Variants in LRRC34 observed in about 807,000 individuals in gnomAD.
The protein encoded by LRRC34 is leucine rich repeat containing 34, also known as leucine-rich repeat-containing protein 34.
In LRRC34, 44 loss-of-function variants were observed where a neutral mutation model predicts 48.5. The observed-to-expected ratio is 0.91, with a 90% CI of 0.71 to 1.17. The LOEUF is 1.17. Among genes scored for constraint, LRRC34 ranks in the 50% most tolerant of loss-of-function variants. LRRC34 has a pLI of 0.00. For missense variants in LRRC34, 502 were observed against 563.0 expected (o/e 0.89, Z 1.10); for synonymous variants, 192 against 197.6 (o/e 0.97, Z 0.24).
At chr3:169,797,301 G>C (rs1399893033) in intron 7 of LRRC34, among the ~76,000 whole-genome samples, 1 of 151,980 alleles carries the variant, frequency 6.6e-6, no homozygotes, top group Non-Finnish European at 1.5e-5. Context: ...CTTTGCTCTT[G>C]ATCTCTACTC....
In LRRC34 at chr3:169,812,496, C is replaced by T. The variant is rs1309233512; in HGVS notation, c.53G>A (p.Arg18Gln). ...PVGERSMGSS[R>Q]EAARAPARSP... ...CCTGGCCGGCGCACGGGCGGCCTCC[C>T]GGGAGCTCCCCATGCTCCTCTCACC... The change falls in exon 1 of 11, where the codon CGG (arginine) becomes CAG (glutamine). Residue 18 changes from arginine (R) to glutamine (Q), a missense_variant. By Grantham distance (43) the Arg-to-Gln change is conservative (BLOSUM62 1). Coordinates refer to ENST00000446859, the MANE Select transcript of LRRC34 (RefSeq NM_001172779.2). The surrounding 1 kb of genome is among the most constrained non-coding windows in gnomAD (Gnocchi z 4.3). The T allele has an allele frequency of 2.6e-6, 4 of 1,527,716 alleles. No individual in the cohort carries two copies. The highest frequency in any genetic ancestry group is 2.5e-5 in the East Asian group (1 of 39,710). The allele number at this position is 1,527,716 out of a possible 1,614,324, so 94.6% of individuals were successfully genotyped here.
In LRRC34 at chr3:169,812,812, A is replaced by C. The variant is rs1779651639; in HGVS notation, c.-264T>G. 2.1e-6 allele frequency: 1 copy of C among 471,494 alleles called. No homozygotes were observed. Among genetic ancestry groups the C allele is most frequent in the East Asian group, 3.8e-5 (1 of 26,436 alleles). The allele number at this position is 471,494 out of a possible 1,614,324, so 29.2% of individuals were successfully genotyped here. A position where few individuals can be genotyped will look rare whatever the true frequency, so the allele number is the denominator to read the frequency against. On this transcript the variant is annotated 5_prime_UTR_variant, in exon 1 of 11. Coordinates refer to ENST00000446859, the MANE Select transcript of LRRC34 (RefSeq NM_001172779.2). The surrounding 1 kb of genome is among the most constrained non-coding windows in gnomAD (Gnocchi z 4.3). The stretch of plus-strand genomic sequence containing the variant: ...GCTGCTGAGCTAGGGCTGGGGCTAC[A>C]AAGAAGATTATGACAAAGCCCGCTC...
At chr3:169,799,168 A>G (rs1453327447) in intron 7 of LRRC34, among the ~76,000 whole-genome samples, 1 of 152,232 alleles carries the variant, frequency 6.6e-6, no homozygotes, top group African/African-American at 2.4e-5. Context: ...ATGTAAAACC[A>G]CAAAAATTCT....
At chr3:169,808,593 C>A in intron 2 of LRRC34, 35 bp downstream of exon 2, 3 of 1,082,258 alleles carry the variant, frequency 2.8e-6, no homozygotes, top group Non-Finnish European at 4.1e-6. Context: ...TATAAGCAAA[C>A]ACTATTAATG....
intron 4 of LRRC34, 83 bp downstream of exon 4, chr3:169,807,343 A>T: frequency 7.7e-7 from 1 of 1,290,410 alleles, no homozygotes; most frequent in Non-Finnish European, 1.1e-6. Context: ...ACATCAGGTA[A>T]AACTAGTGTT....
intron 10 of LRRC34, chr3:169,794,416 CT>C (rs139338412): frequency 2.2e-3 from 321 of 143,030 alleles, no homozygotes; most frequent in Middle Eastern, 3.6e-3. Flanking sequence ...AATTTTTATA[CT>C]TTTTTTTTTT....
chr3:169,800,776 A>G (rs1576738290), intron 6 of LRRC34, 22 bp from the exon 7 acceptor site: 5 of 1,381,728 alleles, frequency 3.6e-6, no homozygotes, highest in Non-Finnish European at 4.0e-6. Flanking sequence ...TAAATTCATT[A>G]AGGAAACAGA....
At position 169,812,105 on chromosome 3, in the gene LRRC34, G is replaced by T. The variant is rs948796965; in HGVS notation, c.139+305C>A. ...AGCCCCCCCGCCACCCCCTCCCGGA[G>T]ACCCTGAGAGCACGGCGACAGACAC... On this transcript the variant is annotated intron_variant, in intron 1 of 10. Coordinates refer to ENST00000446859, the MANE Select transcript of LRRC34 (RefSeq NM_001172779.2). This position sits in a 1 kb window ranked among gnomAD's most constrained non-coding sequence, Gnocchi z 4.3. Among the ~76,000 whole-genome samples the T allele has an allele frequency of 1.7e-4, 26 of 150,966 alleles. No individual in the cohort carries two copies. The highest frequency in any genetic ancestry group is 5.8e-4 in the African/African-American group (24 of 41,102).
At chr3:169,811,375 G>T (rs151000896) in intron 1 of LRRC34, among the ~76,000 whole-genome samples, 59 of 152,306 alleles carry the variant, frequency 3.9e-4, no homozygotes, top group East Asian at 3.5e-3. Context: ...GCTAGCCAGA[G>T]ATTTACAGTA....
chr3:169,808,788 G>C, intron 1 of LRRC34, 43 bp from the exon 2 acceptor site: 1 of 1,131,854 alleles, frequency 8.8e-7, no homozygotes, highest in South Asian at 1.4e-5. Flanking sequence ...AATTATTCTA[G>C]AAGCTTTAAA....
At chr3:169,807,213 C>T (rs889160753) in intron 4 of LRRC34, among the ~76,000 whole-genome samples, 3 of 152,110 alleles carry the variant, frequency 2.0e-5, no homozygotes, top group South Asian at 2.1e-4. Context: ...TATATTTAAT[C>T]ATGGTGTACA....
At position 169,808,662 on chromosome 3, in the gene LRRC34, T is replaced by C. The variant is rs1020360992; in HGVS notation, c.223A>G (p.Ile75Val). 1.3e-6 allele frequency: 2 copies of C among 1,567,780 alleles called. No individual in the cohort carries two copies. Among genetic ancestry groups the C allele is most frequent in the Non-Finnish European group, 1.8e-6 (2 of 1,142,496 alleles). Residue 75 changes from isoleucine (I) to valine (V), a missense_variant, in exon 2 of 11, where the codon ATA (isoleucine) becomes GTA (valine). Coordinates refer to ENST00000446859, the MANE Select transcript of LRRC34 (RefSeq NM_001172779.2). ...SQKINPFILH[I>V]LQEVDEEIKK... ...ATTTCTTCATCCACTTCTTGGAGTA[T>C]ATGCAATATAAAAGGATTAATTTTC...
chr3:169,808,477 T>C (rs1362295804), intron 2 of LRRC34, 151 bp downstream of exon 2: 2 of 550,226 alleles, frequency 3.6e-6, no homozygotes, highest in East Asian at 6.5e-5. Context: ...ACTAACAGTG[T>C]TGCTCGTGTA....
chr3:169,807,296 A>G lies in LRRC34; in HGVS notation c.444+130T>C, dbSNP rs1321105500. 6 of 861,026 alleles carry G rather than the reference A, an allele frequency of 7.0e-6. No individual in the cohort carries two copies. The East Asian group carries it at 7.9e-5, about 11-fold the overall frequency. The allele number at this position is 861,026 out of a possible 1,614,324, so 53.3% of individuals were successfully genotyped here. On this transcript the variant is annotated intron_variant, in intron 4 of 10. Transcript: ENST00000446859. ...ACCAAATCCACAATGGGTTTCCAGTATATTTCGAGTGTTCTAGCACAGAGT... is the reference window on the plus strand; with the variant it reads ...ACCAAATCCACAATGGGTTTCCAGTGTATTTCGAGTGTTCTAGCACAGAGT...
chr3:169,810,802 C>A (rs912860077), intron 1 of LRRC34, among the ~76,000 whole-genome samples: 1 of 152,214 alleles, frequency 6.6e-6, no homozygotes, highest in South Asian at 2.1e-4. Context: ...CGGTGGCTTA[C>A]GCCTGTAATC....
intron 8 of LRRC34, 92 bp from the exon 9 acceptor site, chr3:169,796,461 G>A (rs542730379): frequency 2.7e-5 from 37 of 1,381,212 alleles, no homozygotes; most frequent in Middle Eastern, 4.1e-4. Flanking sequence ...AGTACTTTCT[G>A]TTTTAGTAAA....
In LRRC34 at chr3:169,796,866, T is replaced by G. The variant is rs771692142; in HGVS notation, c.787A>C (p.Lys263Gln). 5.6e-6 allele frequency: 9 copies of G among 1,607,570 alleles called. No homozygotes were observed. The highest frequency in any genetic ancestry group is 7.6e-6 in the Non-Finnish European group (9 of 1,177,172). ...ESTVHVGRMLKENHCLVALHM... is the reference protein window; with the variant it reads ...ESTVHVGRMLQENHCLVALHM... ...AGTGCAACAAGACAGTGATTTTCTT[T>G]CAACATGCGGCCTACATGGACTGTA... The change falls in exon 8 of 11, where the codon AAA becomes CAA. Residue 263 changes from lysine to glutamine, a missense_variant. Coordinates refer to ENST00000446859, the MANE Select transcript of LRRC34 (RefSeq NM_001172779.2).
chr3:169,795,755 G>A, intron 9 of LRRC34, 144 bp from the exon 10 acceptor site: 7 of 1,344,432 alleles, frequency 5.2e-6, no homozygotes, highest in South Asian at 2.0e-5. Context: ...TAAAATCCAA[G>A]AAACTTAGTT....
chr3:169,799,409 T>C (rs1221051622), intron 7 of LRRC34, among the ~76,000 whole-genome samples: 1 of 152,176 alleles, frequency 6.6e-6, no homozygotes, highest in Non-Finnish European at 1.5e-5. Flanking sequence ...ATCCCAGCAC[T>C]TTGGGAGGCC....
Sources: allele counts gnomAD v4.1 joint callset (sites outside exome capture counted in the v4.1 genomes callset), GRCh38; gene constraint gnomAD v4.1.1; non-coding constraint Gnocchi (gnomAD v3.1); transcripts MANE v1.5; gene names NCBI Gene and HGNC (gene_info 2026-07-23, HGNC 2026-07-21).